Variants in GPAM observed in about 807,000 individuals in gnomAD.
The protein encoded by GPAM is glycerol-3-phosphate acyltransferase, mitochondrial, also known as glycerol-3-phosphate acyltransferase 1, mitochondrial.
Under a neutral mutation model 105.0 loss-of-function variants are expected in GPAM, and 56 were observed. The observed-to-expected ratio is 0.53, with a 90% CI of 0.43 to 0.67. GPAM has a LOEUF of 0.67. GPAM is among the 30% of genes least tolerant of loss of function. GPAM has a pLI of 0.00. For synonymous variants in GPAM, 368 were observed against 354.4 expected (o/e 1.04, Z -0.43); for missense variants, 855 against 989.8 (o/e 0.86, Z 1.83).
rs778213301 is a variant in GPAM, at chr10:112,178,018, G to A, written c.265C>T (p.Arg89Trp). ...GTTTCATTGATATAAATAACATTCC[G>A]CAAACCCAAAGACGGGATACTGGGG... The part of the protein sequence containing the change: ...FNPSIPSLGL[R>W]NVIYINETHT... Residue 89 changes from arginine (R) to tryptophan (W), a missense_variant, in exon 5 of 22, where the codon CGG becomes TGG. Arg to Trp is a moderately radical substitution (Grantham distance 101). Transcript: ENST00000348367. The A allele has an allele frequency of 6.9e-6, 11 of 1,601,636 alleles. No individual in the cohort carries two copies. The highest frequency in any genetic ancestry group is 2.2e-5 in the East Asian group (1 of 44,724).
intron 1 of GPAM, among the ~76,000 whole-genome samples, chr10:112,191,297 G>A (rs999068568): frequency 6.6e-6 from 1 of 152,174 alleles, no homozygotes; most frequent in African/African-American, 2.4e-5. Flanking sequence ...CCAGGCTTCT[G>A]GGAGATCTCT....
chr10:112,217,284 G>GT (rs780398788), upstream of GPAM, among the ~76,000 whole-genome samples: 71 of 151,788 alleles, frequency 4.7e-4, no homozygotes, highest in Non-Finnish European at 7.7e-4. Flanking sequence ...CTTTGCAGCT[G>GT]TTTTTTTTCT....
intron 1 of GPAM, among the ~76,000 whole-genome samples, chr10:112,204,569 G>T (rs563488245): frequency 2.6e-5 from 4 of 151,556 alleles, no homozygotes; most frequent in Admixed American, 6.6e-5. Flanking sequence ...TGGGCATTAG[G>T]TTCTGACAAC....
intron 1 of GPAM, among the ~76,000 whole-genome samples, chr10:112,190,289 G>C (rs556643542): frequency 7.6e-4 from 116 of 152,014 alleles, no homozygotes; most frequent in East Asian, 5.8e-4. Flanking sequence ...GTCTTTCACA[G>C]GGTCTAGAGA....
intron 1 of GPAM, among the ~76,000 whole-genome samples, chr10:112,201,092 A>C (rs542614303): frequency 9.2e-5 from 14 of 152,308 alleles, no homozygotes; most frequent in Non-Finnish European, 1.5e-4. Context: ...GAAGCAGTAA[A>C]AGCTTCTGAA....
chr10:112,200,205 TATA>T, intron 1 of GPAM, among the ~76,000 whole-genome samples: 4 of 115,132 alleles, frequency 3.5e-5, no homozygotes, highest in Admixed American at 8.7e-5. Flanking sequence ...TATATATATA[TATA>T]TTTCAGTCCA....
the GPAM span, among the ~76,000 whole-genome samples, chr10:112,221,991 G>T: frequency 6.6e-6 from 1 of 152,220 alleles, no homozygotes; most frequent in African/African-American, 2.4e-5. Flanking sequence ...ATCCTTCAGA[G>T]ATACCTACCA....
At chr10:112,202,710 G>A (rs565872856) in intron 1 of GPAM, among the ~76,000 whole-genome samples, 1 of 152,274 alleles carries the variant, frequency 6.6e-6, no homozygotes, top group African/African-American at 2.4e-5. Flanking sequence ...AAGCCACTCT[G>A]TTAAAAACCC....
At chr10:112,184,854 A>G (rs1847573030), upstream of GPAM, among the ~76,000 whole-genome samples, 1 of 151,976 alleles carries the variant, frequency 6.6e-6, no homozygotes, top group South Asian at 2.1e-4. Flanking sequence ...GAGATCTACA[A>G]CAGATCTCAC....
chr10:112,202,250 G>A (rs56084452), intron 1 of GPAM, among the ~76,000 whole-genome samples: 2,071 of 152,292 alleles, frequency 0.014, 22 homozygotes, highest in Non-Finnish European at 0.02. Context: ...TAAGAAAATC[G>A]ATGTGCTGTG....
chr10:112,153,856 GT>G (rs889224643), intron 21 of GPAM, 190 bp from the exon 22 acceptor site: 6 of 533,242 alleles, frequency 1.1e-5, no homozygotes, highest in East Asian at 6.5e-5. Flanking sequence ...TGCAAACAAG[GT>G]TTTCTTTTTC....
Position 112,182,869 on chromosome 10 carries a change from T to C in GPAM, c.-105A>G, listed in dbSNP as rs1189053269. The C allele has an allele frequency of 2.0e-5, 3 of 152,194 alleles. No homozygotes were observed. Among genetic ancestry groups the C allele is most frequent in the Non-Finnish European group, 2.9e-5 (2 of 68,046 alleles). The allele number at this position is 152,194 out of a possible 1,614,324, so 9.4% of individuals were successfully genotyped here. A position where few individuals can be genotyped will look rare whatever the true frequency, so the allele number is the denominator to read the frequency against. On this transcript the variant is annotated 5_prime_UTR_variant, in exon 2 of 22. The change abolishes an upstream ATG in the 5' untranslated region. Coordinates refer to ENST00000348367, the MANE Select transcript of GPAM (RefSeq NM_001244949.2). ...ATCAGTTTCGGGTGCAGAATGTCCA[T>C]ACAACAGGGGAGCCGCTGCTGCCTG...
At chr10:112,155,774 T>A (rs1284656372) in intron 20 of GPAM, 90 bp downstream of exon 20, 18 of 759,598 alleles carry the variant, frequency 2.4e-5, no homozygotes, top group Non-Finnish European at 3.8e-5. Context: ...AGGATAAGTT[T>A]GCATTTTTCC....
intron 1 of GPAM, among the ~76,000 whole-genome samples, chr10:112,211,804 A>T (rs1227090472): frequency 6.6e-6 from 1 of 152,242 alleles, no homozygotes; most frequent in African/African-American, 2.4e-5. Flanking sequence ...GAGCTTGAAC[A>T]ATTTAAATAA....
intron 19 of GPAM, chr10:112,156,320 T>G (rs1352337986): frequency 2.1e-6 from 1 of 479,278 alleles, no homozygotes; most frequent in African/African-American, 1.9e-5. Flanking sequence ...GAAGAAATTT[T>G]CATAAATGAA....
upstream of GPAM, among the ~76,000 whole-genome samples, chr10:112,185,571 GACACACACACACACACACACAC>G (rs55812271): frequency 0.017 from 2,477 of 143,666 alleles, 61 homozygotes; most frequent in African/African-American, 0.058. Flanking sequence ...CACACACACA[GACACACACACACACACACACAC>G]ACACACACAC....
intron 14 of GPAM, among the ~76,000 whole-genome samples, chr10:112,163,185 T>C (rs569067368): frequency 6.6e-6 from 1 of 152,364 alleles, no homozygotes; most frequent in East Asian, 1.9e-4. Context: ...CCTCTCTAGG[T>C]TCACTTTAAT....
intron 15 of GPAM, 141 bp downstream of exon 15, chr10:112,161,526 G>A: frequency 1.4e-6 from 1 of 699,102 alleles, no homozygotes; most frequent in Non-Finnish European, 2.6e-6. Flanking sequence ...GCTCCTTTGG[G>A]CAGGGTCCTC....
rs976193973 is a variant in GPAM at position 112,153,339 on chromosome 10, C to T, written c.*211G>A. The stretch of plus-strand genomic sequence containing the variant: ...ATGAGTTGCGAATAGAGGCTGAGGT[C>T]CCCCCAAGTGTTATCTGCAGGCTGC... On this transcript the variant is annotated 3_prime_UTR_variant, in exon 22 of 22. Coordinates refer to ENST00000348367, the MANE Select transcript of GPAM (RefSeq NM_001244949.2). 8.3e-6 allele frequency: 12 copies of T among 1,454,006 alleles called. No homozygotes were observed. Among genetic ancestry groups the T allele is most frequent in the African/African-American group, 1.4e-5 (1 of 70,724 alleles). The allele number at this position is 1,454,006 out of a possible 1,614,324, so 90.1% of individuals were successfully genotyped here. A position where few individuals can be genotyped will look rare whatever the true frequency, so the allele number is the denominator to read the frequency against.
Sources: gnomAD v4.1 joint callset for allele counts (sites outside exome capture counted in the v4.1 genomes callset) on GRCh38, gnomAD v4.1.1 for gene constraint, MANE v1.5 for transcripts, NCBI Gene and HGNC (gene_info 2026-07-23, HGNC 2026-07-21) for gene names.